Variants in UBE2K observed in about 807,000 individuals in gnomAD.
The protein encoded by UBE2K is ubiquitin-conjugating enzyme E2 K.
A neutral mutation model predicts 30.0 loss-of-function variants in UBE2K; 6 were observed. That is an observed-to-expected ratio of 0.20 (90% CI 0.11 to 0.39). The LOEUF is 0.39. UBE2K is among the 10% of genes least tolerant of loss of function. The probability of loss-of-function intolerance (pLI) is 1.00; values close to 1 mark genes in which losing one functional copy is unlikely to be tolerated. For missense variants in UBE2K, 61 were observed against 241.6 expected (o/e 0.25, Z 4.96); for synonymous variants, 86 against 83.7 (o/e 1.03, Z -0.15).
At position 39,780,204 on chromosome 4, in the gene UBE2K, CTTTA is replaced by C. The variant is rs1713533061; in HGVS notation, c.*1778_*1781del. The stretch of plus-strand genomic sequence containing the variant: ...AGATGCCAAAGGAAACAAGATTTTT[CTTTA>C]TTTATTTTAAATACCTGAAACCTCG... On this transcript the variant is annotated 3_prime_UTR_variant, in exon 7 of 7. Coordinates refer to ENST00000261427, the MANE Select transcript of UBE2K (RefSeq NM_005339.5). 1 of 152,008 alleles carries C rather than the reference CTTTA, an allele frequency of 6.6e-6. No homozygotes were observed. Among genetic ancestry groups the C allele is most frequent in the South Asian group, 2.1e-4 (1 of 4,838 alleles). 9.4% of individuals were successfully genotyped at this position (152,008 alleles called of 1,614,324 possible). A position where few individuals can be genotyped will look rare whatever the true frequency, so the allele number is the denominator to read the frequency against.
Position 39,778,816 on chromosome 4 carries a change from G to T in UBE2K, c.*382G>T, listed in dbSNP as rs1713429272. On this transcript the variant is annotated 3_prime_UTR_variant, in exon 7 of 7. Coordinates refer to ENST00000261427, the MANE Select transcript of UBE2K (RefSeq NM_005339.5). Reference sequence around the variant, plus strand: ...TGTGTCAGGGCCATTCAAATTGTTGGTGTTGCATCACAGCTACCTTAACTG... The same window carrying T: ...TGTGTCAGGGCCATTCAAATTGTTGTTGTTGCATCACAGCTACCTTAACTG... 3.2e-5 allele frequency: 5 copies of T among 157,056 alleles called. No homozygotes were observed. Among genetic ancestry groups the T allele is most frequent in the Admixed American group, 3.2e-4 (5 of 15,740 alleles). The allele number at this position is 157,056 out of a possible 1,614,324, so 9.7% of individuals were successfully genotyped here. A position where few individuals can be genotyped will look rare whatever the true frequency, so the allele number is the denominator to read the frequency against.
chr4:39,755,864 G>A, intron 4 of UBE2K, 125 bp downstream of exon 4: 1 of 625,140 alleles, frequency 1.6e-6, no homozygotes, highest in South Asian at 2.2e-5. Flanking sequence ...AACTTTAAAA[G>A]TCTCTTAAGT....
chr4:39,711,237 A>T, intron 1 of UBE2K, among the ~76,000 whole-genome samples: 1 of 137,070 alleles, frequency 7.3e-6, no homozygotes, highest in East Asian at 2.1e-4. Context: ...ATCTCGGCTC[A>T]CTGCAAGCTC....
chr4:39,725,942 C>CT (rs36032554), intron 1 of UBE2K, among the ~76,000 whole-genome samples: 27,886 of 151,088 alleles, frequency 0.18, 4,519 homozygotes, highest in African/African-American at 0.44. Flanking sequence ...CACACTTGGC[C>CT]TTTTTTTTTA....
intron 1 of UBE2K, among the ~76,000 whole-genome samples, chr4:39,719,266 C>A (rs533314195): frequency 6.6e-6 from 1 of 152,290 alleles, no homozygotes; most frequent in South Asian, 2.1e-4. Flanking sequence ...AAATACCACC[C>A]CTGGTAAGCC....
At chr4:39,699,754 A>G (rs1438897436) in intron 1 of UBE2K, among the ~76,000 whole-genome samples, 2 of 152,190 alleles carry the variant, frequency 1.3e-5, no homozygotes, top group African/African-American at 4.8e-5. Context: ...CATGGAGAAA[A>G]AATTATTTAA....
chr4:39,718,619 C>T (rs554853990), intron 1 of UBE2K, among the ~76,000 whole-genome samples: 2 of 152,334 alleles, frequency 1.3e-5, no homozygotes, highest in East Asian at 1.9e-4. Context: ...TCAGGCATGG[C>T]GGGCTGCAGG....
At chr4:39,740,288 A>G (rs1021600102) in intron 2 of UBE2K, among the ~76,000 whole-genome samples, 1 of 152,132 alleles carries the variant, frequency 6.6e-6, no homozygotes, top group Non-Finnish European at 1.5e-5. Context: ...TAAACAAGGC[A>G]CTTCCTGAGC....
At chr4:39,702,891 G>T (rs926640892) in intron 1 of UBE2K, among the ~76,000 whole-genome samples, 1 of 152,050 alleles carries the variant, frequency 6.6e-6, no homozygotes, top group Non-Finnish European at 1.5e-5. Flanking sequence ...ACCAGTATAT[G>T]CAGGTAGCAC....
chr4:39,728,818 G>GTTTTTTTTTTTTTTTTT (rs150967559), intron 1 of UBE2K, among the ~76,000 whole-genome samples: 1 of 129,908 alleles, frequency 7.7e-6, no homozygotes, highest in African/African-American at 2.7e-5. Flanking sequence ...GGTTTTTTTT[G>GTTTTTTTTTTTTTTTTT]TTTTTTTTGT....
chr4:39,715,585 C>T (rs1037452642), intron 1 of UBE2K, among the ~76,000 whole-genome samples: 9 of 152,224 alleles, frequency 5.9e-5, no homozygotes, highest in African/African-American at 2.2e-4. Flanking sequence ...GCTGGGATTA[C>T]AGGTGTCACC....
chr4:39,709,207 G>A (rs899583463), intron 1 of UBE2K, among the ~76,000 whole-genome samples: 2 of 152,030 alleles, frequency 1.3e-5, no homozygotes, highest in Non-Finnish European at 1.5e-5. Flanking sequence ...ATAGCTGTTA[G>A]ATGTCAGAAT....
chr4:39,755,768 CT>C, intron 4 of UBE2K, 29 bp downstream of exon 4: 2 of 1,486,680 alleles, frequency 1.3e-6, no homozygotes, highest in Non-Finnish European at 1.9e-6. Context: ...ACCTTCTCTC[CT>C]TCTCATATGA....
chr4:39,759,860 C>T (rs1352530877), intron 4 of UBE2K, among the ~76,000 whole-genome samples: 1 of 152,020 alleles, frequency 6.6e-6, no homozygotes, highest in African/African-American at 2.4e-5. Flanking sequence ...ACACAAATAC[C>T]TCATGCATTG....
intron 6 of UBE2K, 99 bp downstream of exon 6, chr4:39,777,909 C>T (rs954679211): frequency 8.8e-5 from 105 of 1,187,078 alleles, no homozygotes; most frequent in Middle Eastern, 2.2e-4. Context: ...AAGAGAAATT[C>T]GCAGCCTGGG....
chr4:39,769,972 C>T lies in UBE2K; in HGVS notation c.300-4862C>T, dbSNP rs558493096. 1.7e-5 allele frequency: 13 copies of T among 786,678 alleles called. No individual in the cohort carries two copies. The African/African-American group carries it at 2.3e-4, about 14-fold the overall frequency. The allele number at this position is 786,678 out of a possible 1,614,324, so 48.7% of individuals were successfully genotyped here. A position where few individuals can be genotyped will look rare whatever the true frequency, so the allele number is the denominator to read the frequency against. On this transcript the variant is annotated intron_variant, in intron 4 of 6. Transcript: ENST00000261427. Reference sequence around the variant, plus strand: ...ATGTGTGCATCTGCTCAGCCTCCCACTCTTACCTTTCTGCCCCAGACCCCC... The same window carrying T: ...ATGTGTGCATCTGCTCAGCCTCCCATTCTTACCTTTCTGCCCCAGACCCCC...
intron 1 of UBE2K, among the ~76,000 whole-genome samples, chr4:39,728,361 A>G (rs1719870464): frequency 6.6e-6 from 1 of 152,152 alleles, no homozygotes; most frequent in Non-Finnish European, 1.5e-5. Flanking sequence ...TCTAATCCCA[A>G]CAGTTTGGGA....
intron 1 of UBE2K, among the ~76,000 whole-genome samples, chr4:39,728,133 C>CAA (rs149266525): frequency 3.2e-4 from 46 of 145,384 alleles, no homozygotes; most frequent in African/African-American, 8.8e-4. Flanking sequence ...GACACCATCT[C>CAA]AAAAAAAAAA....
intron 1 of UBE2K, chr4:39,714,385 C>A: frequency 5.9e-6 from 1 of 170,836 alleles, no homozygotes. Flanking sequence ...AATAGGGCTC[C>A]TGGGACACTT....
Sources: allele counts gnomAD v4.1 joint callset (sites outside exome capture counted in the v4.1 genomes callset), GRCh38; gene constraint gnomAD v4.1.1; transcripts MANE v1.5; gene names NCBI Gene and HGNC (gene_info 2026-07-23, HGNC 2026-07-21).